The following RANBP2 variants were observed in gnomAD, a reference collection of about 807,000 sequenced individuals.
RANBP2 encodes RAN binding protein 2.
Under a neutral mutation model 303.6 loss-of-function variants are expected in RANBP2, and 57 were observed. The ratio of observed to expected loss-of-function variants is 0.19; its 90% CI spans 0.15 to 0.23. The LOEUF (loss-of-function observed/expected upper bound fraction) is 0.23. Among genes scored for constraint, RANBP2 ranks in the 10% least tolerant of loss-of-function variants. The pLI is 1.00. For missense variants in RANBP2, 3,138 were observed against 3,780.8 expected (o/e 0.83, Z 4.46); for synonymous variants, 1,167 against 1,301.5 (o/e 0.90, Z 2.23).
At chr2:109,669,032 GGGAATAGA>G in the RANBP2 span, among the ~76,000 whole-genome samples, 3 of 152,100 alleles carry the variant, frequency 2.0e-5, no homozygotes, top group African/African-American at 7.2e-5. Context: ...ATCAATGAAA[GGGAATAGA>G]GGACCCAGAT....
the RANBP2 span, among the ~76,000 whole-genome samples, chr2:109,306,673 A>G: frequency 6.6e-6 from 1 of 152,260 alleles, no homozygotes; most frequent in Non-Finnish European, 1.5e-5. Context: ...CCAAATGCCC[A>G]GTAACCTAGC....
chr2:109,544,926 C>CA, the RANBP2 span: 3 of 979,504 alleles, frequency 3.1e-6, no homozygotes, highest in Non-Finnish European at 3.6e-6. Context: ...TCCTCTTTTC[C>CA]AAAAAAACAA....
chr2:109,611,665 G>T, the RANBP2 span, among the ~76,000 whole-genome samples: 14 of 151,628 alleles, frequency 9.2e-5, no homozygotes. Flanking sequence ...GGTGGCTGAG[G>T]CAGGAGGATC....
chr2:109,488,487 G>A, the RANBP2 span, among the ~76,000 whole-genome samples: 1 of 152,178 alleles, frequency 6.6e-6, no homozygotes, highest in Admixed American at 6.5e-5. Context: ...CAGCTGCAGG[G>A]TCTCCCATCC....
chr2:109,419,456 G>A, the RANBP2 span: 1 of 1,389,518 alleles, frequency 7.2e-7, no homozygotes, highest in African/African-American at 1.4e-5. Context: ...AGGCACCTGT[G>A]GATGCAGCCT....
the RANBP2 span, among the ~76,000 whole-genome samples, chr2:109,391,035 T>C: frequency 6.4e-4 from 97 of 152,318 alleles, 1 homozygote; most frequent in African/African-American, 1.2e-4. Context: ...CTGCCTCTCA[T>C]GGGACCAGCC....
chr2:109,424,069 C>T, the RANBP2 span, among the ~76,000 whole-genome samples: 12 of 152,308 alleles, frequency 7.9e-5, no homozygotes, highest in East Asian at 3.9e-4. Context: ...ACATCCCCAC[C>T]GGTACCGGCA....
At chr2:109,028,453 T>C in the RANBP2 span, among the ~76,000 whole-genome samples, 5 of 152,254 alleles carry the variant, frequency 3.3e-5, no homozygotes, top group Middle Eastern at 3.4e-3. Context: ...GCTTCCCCGT[T>C]GCTGGGAGGC....
At chr2:109,733,365 G>A in the RANBP2 span, among the ~76,000 whole-genome samples, 1 of 152,190 alleles carries the variant, frequency 6.6e-6, no homozygotes, top group Middle Eastern at 3.4e-3. Context: ...AAGCATTTGA[G>A]GAAATAACAC....
chr2:109,230,233 A>G, the RANBP2 span, among the ~76,000 whole-genome samples: 1 of 152,076 alleles, frequency 6.6e-6, no homozygotes, highest in Non-Finnish European at 1.5e-5. Flanking sequence ...GTTTGACTTT[A>G]GAGTTTTTGA....
At chr2:108,846,693 T>C in the RANBP2 span, 1 of 1,526,776 alleles carries the variant, frequency 6.5e-7, no homozygotes, top group Non-Finnish European at 8.9e-7. Context: ...AAAGATATAT[T>C]CTGAACATGA....
At chr2:109,290,577 T>C in the RANBP2 span, among the ~76,000 whole-genome samples, 7 of 152,246 alleles carry the variant, frequency 4.6e-5, no homozygotes, top group African/African-American at 1.7e-4. Context: ...CCAATGCCTA[T>C]CATTTTCTAG....
chr2:109,411,965 T>A, the RANBP2 span, among the ~76,000 whole-genome samples: 1 of 152,230 alleles, frequency 6.6e-6, no homozygotes, highest in Non-Finnish European at 1.5e-5. Context: ...AGGGACAGCC[T>A]GTGTCAGGGT....
chr2:109,758,791 G>C, the RANBP2 span: 3 of 147,660 alleles, frequency 2.0e-5, no homozygotes, highest in African/African-American at 7.6e-5. Context: ...AAGTGCCTGA[G>C]ACAGATCTTC....
chr2:108,721,496 A>G (rs900930812), intron 1 of RANBP2, among the ~76,000 whole-genome samples: 14 of 152,140 alleles, frequency 9.2e-5, no homozygotes, highest in Admixed American at 7.2e-4. Context: ...AGCTGGATGC[A>G]GTGGCGCTAT....
chr2:109,311,760 A>C, the RANBP2 span, among the ~76,000 whole-genome samples: 3 of 147,328 alleles, frequency 2.0e-5, no homozygotes, highest in East Asian at 5.8e-4. Flanking sequence ...CGCTAATTTC[A>C]AGCGATGAGC....
Position 108,753,460 on chromosome 2 carries a change from A to G in RANBP2, c.1952A>G (p.His651Arg), listed in dbSNP as rs750660048. ...ATTGTTGAATATGAAGAAGACGCACACATAACTTTTGCTATATTGGATGCA... is the reference window on the plus strand; with the variant it reads ...ATTGTTGAATATGAAGAAGACGCACGCATAACTTTTGCTATATTGGATGCA... Reference protein sequence around the residue: ...SEIVEYEEDAHITFAILDAVN... With the variant: ...SEIVEYEEDARITFAILDAVN... Residue 651 changes from histidine (H) to arginine (R), a missense_variant, in exon 14 of 29, where the codon CAC becomes CGC. By Grantham distance (29) the His-to-Arg change is conservative. Around this residue, in one of 20 missense-constraint regions of RANBP2, gnomAD observed 162 missense variants for 286.9 expected, o/e 0.56. Coordinates refer to ENST00000283195, the MANE Select transcript of RANBP2 (RefSeq NM_006267.5). 9 of 1,611,782 alleles carry G rather than the reference A, an allele frequency of 5.6e-6. 1 individual carries two copies. Among genetic ancestry groups the G allele is most frequent in the Middle Eastern group, 2.2e-4 (1 of 4,450 alleles).
At chr2:109,210,371 C>T in the RANBP2 span, among the ~76,000 whole-genome samples, 1 of 152,186 alleles carries the variant, frequency 6.6e-6, no homozygotes, top group Non-Finnish European at 1.5e-5. Context: ...AAGTCCAAAG[C>T]GGGAAAGCCT....
At chr2:109,296,720 T>C in the RANBP2 span, among the ~76,000 whole-genome samples, 1 of 152,102 alleles carries the variant, frequency 6.6e-6, no homozygotes, top group African/African-American at 2.4e-5. Flanking sequence ...CAGAGTCCCC[T>C]GTGAGGTGAG....
Sources: allele counts gnomAD v4.1 joint callset (sites outside exome capture counted in the v4.1 genomes callset), GRCh38; gene constraint gnomAD v4.1.1; regional missense constraint gnomAD v4.1.1; transcripts MANE v1.5; gene names NCBI Gene and HGNC (gene_info 2026-07-23, HGNC 2026-07-21).